Variants in TPM2 observed in about 807,000 individuals in gnomAD.
TPM2 encodes tropomyosin 2, also known as tropomyosin beta chain.
In TPM2, 26 loss-of-function variants were observed where a neutral mutation model predicts 41.0. The observed-to-expected ratio is 0.63, with a 90% CI of 0.46 to 0.88. The LOEUF (loss-of-function observed/expected upper bound fraction) is 0.88. Among genes scored for constraint, TPM2 ranks in the 40% least tolerant of loss-of-function variants. TPM2 has a pLI of 0.00. For missense variants in TPM2, 187 were observed against 355.2 expected (o/e 0.53, Z 3.81); for synonymous variants, 143 against 139.3 (o/e 1.03, Z -0.19).
Position 35,685,082 on chromosome 9 carries a change from C to A in TPM2, c.563+187G>T. ...TCACTACCTCCTCCTCTGAGGCCAT[C>A]AGGGACTTGAGGGCCTGGTCCATGG... On this transcript the variant is annotated intron_variant, in intron 5 of 8. Transcript: ENST00000645482. This position sits in a 1 kb window ranked among gnomAD's most constrained non-coding sequence, Gnocchi z 5.0. 6.2e-7 allele frequency: 1 copy of A among 1,614,212 alleles called. No homozygotes were observed. The highest frequency in any genetic ancestry group is 1.3e-5 in the African/African-American group (1 of 75,056).
In TPM2 at chr9:35,684,559, G is replaced by T. The variant is rs1661588104; in HGVS notation, c.640-9C>A. 6.2e-7 allele frequency: 1 copy of T among 1,613,960 alleles called. No homozygotes were observed. Among genetic ancestry groups the T allele is most frequent in the African/African-American group, 1.3e-5 (1 of 74,886 alleles). The stretch of plus-strand genomic sequence containing the variant: ...TCTTCTTTGGTGGAATACTTTTGGG[G>T]ACACACACACGCCATCAGTACAGCG... On this transcript the variant is annotated splice_polypyrimidine_tract_variant and intron_variant, in intron 6 of 8. Coordinates refer to ENST00000645482, the MANE Select transcript of TPM2 (RefSeq NM_003289.4).
chr9:35,689,003 C>G, intron 2 of TPM2, 143 bp downstream of exon 2: 2 of 975,188 alleles, frequency 2.1e-6, no homozygotes, highest in African/African-American at 3.2e-5. Flanking sequence ...TTTACCCTAG[C>G]CCTGGTTACT....
Position 35,683,210 on chromosome 9 carries a change from C to T in TPM2, c.804G>A (p.Lys268=), listed in dbSNP as rs1385851891. ...DEVYAQKMKY[K]AISEELDNAL... is the part of the protein sequence containing the mutation. ...CGTTGTCCAGTTCCTCGCTAATGGC[C>T]TTGTACTTCATCTTCTGGGCATAGA... The change falls in exon 9 of 9, where the codon AAG becomes AAA. Residue 268 remains lysine, a synonymous_variant. Transcript: ENST00000645482. The T allele has an allele frequency of 6.5e-7, 1 of 1,549,190 alleles. No individual in the cohort carries two copies. The highest frequency in any genetic ancestry group is 2.4e-5 in the East Asian group (1 of 41,332).
downstream of TPM2, chr9:35,682,237 G>A (rs555659801): frequency 1.0e-4 from 156 of 1,492,198 alleles, no homozygotes; most frequent in Non-Finnish European, 1.4e-4. Flanking sequence ...GCCAGGGGAA[G>A]GTGACATATA....
Position 35,689,132 on chromosome 9 carries a change from A to C in TPM2, c.240+14T>G. Reference sequence around the variant, plus strand: ...GCCCTAACTCCTCCCATTGTCCCCCAAGTCCACACTCACATCAGTGGCCTT... The same window carrying C: ...GCCCTAACTCCTCCCATTGTCCCCCCAGTCCACACTCACATCAGTGGCCTT... On this transcript the variant is annotated intron_variant, in intron 2 of 8. Transcript: ENST00000645482. 6.2e-7 allele frequency: 1 copy of C among 1,614,114 alleles called. No homozygotes were observed. Among genetic ancestry groups the C allele is most frequent in the Admixed American group, 1.7e-5 (1 of 60,018 alleles).
rs1424104767 is a variant in TPM2, at chr9:35,689,905, C to T, written c.-88G>A. ...GCGGACTGGGTGCACCGGTGGCAGG[C>T]GAGGAGGACGGAGCGGGACTGGGAC... On this transcript the variant is annotated 5_prime_UTR_variant, in exon 1 of 9. Transcript: ENST00000645482. 9 of 1,604,060 alleles carry T rather than the reference C, an allele frequency of 5.6e-6. No homozygotes were observed. Among genetic ancestry groups the T allele is most frequent in the Non-Finnish European group, 7.6e-6 (9 of 1,177,312 alleles).
chr9:35,683,763 T>C (rs547551132), intron 8 of TPM2, among the ~76,000 whole-genome samples: 38 of 152,352 alleles, frequency 2.5e-4, no homozygotes, highest in Middle Eastern at 6.8e-3. Context: ...TAGCTTAAAA[T>C]AGTGTTTTCT....
Position 35,685,315 on chromosome 9 carries a change from C to A in TPM2, c.517G>T (p.Glu173Ter). 2 of 1,614,180 alleles carry A rather than the reference C, an allele frequency of 1.2e-6. No homozygotes were observed. The highest frequency in any genetic ancestry group is 1.7e-6 in the Non-Finnish European group (2 of 1,180,026). Residue 173 changes from glutamate (E) to a stop codon, truncating the protein, a stop_gained, in exon 5 of 9, where the codon GAA becomes TAA. Transcript: ENST00000645482. LOFTEE classifies it high-confidence loss of function. The surrounding 1 kb of genome is among the most constrained non-coding windows in gnomAD (Gnocchi z 5.0). ...EEVARKLVIL[E>*]GELERSEERA... ...TCCTCCGAGCGCTCCAGCTCTCCTT[C>A]CAGGATCACCAGCTTCCTGGCCACC...
At chr9:35,688,221 G>A (rs2131860719) in intron 2 of TPM2, among the ~76,000 whole-genome samples, 1 of 152,336 alleles carries the variant, frequency 6.6e-6, no homozygotes, top group South Asian at 2.1e-4. Flanking sequence ...AAAACTGGAG[G>A]CTGGAGGTCA....
intron 2 of TPM2, chr9:35,686,410 T>G (rs1243872): frequency 0.49 from 77,033 of 158,826 alleles, 18,842 homozygotes; most frequent in East Asian, 0.55. Flanking sequence ...CCAGGTCTGA[T>G]GCAGCTCTGA....
rs1389130683 is a variant in TPM2, at chr9:35,685,639, CT to C, written c.374+7del. 1.2e-6 allele frequency: 2 copies of C among 1,614,192 alleles called. No homozygotes were observed. The highest frequency in any genetic ancestry group is 1.7e-6 in the Non-Finnish European group (2 of 1,180,034). On this transcript the variant is annotated splice_region_variant and intron_variant, in intron 3 of 8. Coordinates refer to ENST00000645482, the MANE Select transcript of TPM2 (RefSeq NM_003289.4). This position sits in a 1 kb window ranked among gnomAD's most constrained non-coding sequence, Gnocchi z 5.0. ...TCCCGGACCATCCTCCCCGAGGCCCCTGACCACCTCTCGCTCTCATCAGCCG... is the reference window on the plus strand; with the variant it reads ...TCCCGGACCATCCTCCCCGAGGCCCCGACCACCTCTCGCTCTCATCAGCCG...
rs185595046 is a variant in TPM2 at position 35,684,650 on chromosome 9, C to A, written c.639+82G>T. The A allele has an allele frequency of 1.4e-5, 23 of 1,613,288 alleles. No individual in the cohort carries two copies. The Admixed American group carries it at 3.2e-4, about 22-fold the overall frequency. On this transcript the variant is annotated intron_variant, in intron 6 of 8. Coordinates refer to ENST00000645482, the MANE Select transcript of TPM2 (RefSeq NM_003289.4). ...TCCTGGTCATCTTGCCTCCGTTGAA[C>A]ACCCAGCCCCTCCCTGCCTTGGGCC...
intron 2 of TPM2, among the ~76,000 whole-genome samples, chr9:35,687,646 C>T (rs1023404873): frequency 1.8e-4 from 28 of 151,564 alleles, no homozygotes; most frequent in Non-Finnish European, 3.8e-4. Flanking sequence ...GGCACAGGGC[C>T]GGATGACAGT....
At chr9:35,684,034 T>C (rs1339766403) in intron 8 of TPM2, 4 of 594,986 alleles carry the variant, frequency 6.7e-6, no homozygotes, top group African/African-American at 3.7e-5. Context: ...GTGATTCTCA[T>C]GCATGCTGAA....
chr9:35,684,467 G>C, intron 7 of TPM2, 21 bp downstream of exon 7: 1 of 1,614,134 alleles, frequency 6.2e-7, no homozygotes, highest in Non-Finnish European at 8.5e-7. Context: ...GGGAGACTGG[G>C]AACTGGAAGA....
chr9:35,684,824 G>A lies in TPM2; in HGVS notation c.564-17C>T. ...CCACATTTACTGCAGGGGGTGTGTG[G>A]CGGGGGGGGCAGGGTGTGAGGGCAC... is the stretch of plus-strand genomic sequence containing the variant. On this transcript the variant is annotated splice_polypyrimidine_tract_variant and intron_variant, in intron 5 of 8. Transcript: ENST00000645482. 3 of 1,551,448 alleles carry A rather than the reference G, an allele frequency of 1.9e-6. No homozygotes were observed. The highest frequency in any genetic ancestry group is 2.6e-6 in the Non-Finnish European group (3 of 1,152,032).
chr9:35,686,580 G>A lies in TPM2; in HGVS notation c.241-800C>T, dbSNP rs567977877. ...TCCCAGCTACTCCGAAGGCTAAGGC[G>A]GGAGTTCAGCTTGACCCCAGGAGCC... On this transcript the variant is annotated intron_variant, in intron 2 of 8. Transcript: ENST00000645482. Among the ~76,000 whole-genome samples, 30 of 151,608 alleles carry A rather than the reference G, an allele frequency of 2.0e-4. No homozygotes were observed. In the South Asian group the frequency reaches 4.2e-3, roughly 21 times the overall value.
chr9:35,684,153 A>G, intron 8 of TPM2, 93 bp downstream of exon 8: 1 of 1,339,216 alleles, frequency 7.5e-7, no homozygotes, highest in Admixed American at 1.7e-5. Flanking sequence ...GCCCAACCCT[A>G]GTTTATTGGT....
intron 8 of TPM2, 161 bp downstream of exon 8, chr9:35,684,085 A>G: frequency 1.4e-6 from 1 of 717,206 alleles, no homozygotes; most frequent in Non-Finnish European, 2.5e-6. Context: ...GGGCAGCTAC[A>G]ATTACTTGAA....
Sources: gnomAD v4.1 joint callset for allele counts (sites outside exome capture counted in the v4.1 genomes callset) on GRCh38, gnomAD v4.1.1 for gene constraint, Gnocchi (gnomAD v3.1) non-coding constraint, MANE v1.5 for transcripts, NCBI Gene and HGNC (gene_info 2026-07-23, HGNC 2026-07-21) for gene names.